LPP: variants seen among roughly 807,000 people sequenced by gnomAD.
The protein encoded by LPP is lipoma-preferred partner.
In LPP, 38 loss-of-function variants were observed where a neutral mutation model predicts 60.4. That is an observed-to-expected ratio of 0.63 (90% CI 0.49 to 0.83). The LOEUF is 0.83. Among genes scored for constraint, LPP ranks in the 40% least tolerant of loss-of-function variants. The pLI, the probability that LPP is intolerant of heterozygous loss-of-function variation, is 0.00. For missense variants in LPP, 902 were observed against 783.6 expected (o/e 1.15, Z -1.80); for synonymous variants, 328 against 290.8 (o/e 1.13, Z -1.30).
At chr3:188,433,842 C>G (rs1045060086) in intron 4 of LPP, among the ~76,000 whole-genome samples, 1 of 152,050 alleles carries the variant, frequency 6.6e-6, no homozygotes, top group Non-Finnish European at 1.5e-5. Flanking sequence ...GTTTTCCTTT[C>G]TCTTGGTGTT....
intron 6 of LPP, among the ~76,000 whole-genome samples, chr3:188,541,293 C>T (rs1396081928): frequency 6.6e-6 from 1 of 152,106 alleles, no homozygotes; most frequent in Non-Finnish European, 1.5e-5. Context: ...GAGTGAGGCT[C>T]AATAATTTGT....
chr3:188,307,468 C>T (rs1193521078), intron 2 of LPP, among the ~76,000 whole-genome samples: 1 of 152,174 alleles, frequency 6.6e-6, no homozygotes, highest in Non-Finnish European at 1.5e-5. Flanking sequence ...ATTTGTGCCT[C>T]CACATCTGGC....
At chr3:188,294,521 C>A (rs1303009835) in intron 2 of LPP, among the ~76,000 whole-genome samples, 1 of 152,188 alleles carries the variant, frequency 6.6e-6, no homozygotes, top group African/African-American at 2.4e-5. Flanking sequence ...AGTGGTAACA[C>A]AACTAGAGCC....
intron 6 of LPP, among the ~76,000 whole-genome samples, chr3:188,544,411 T>C (rs560351611): frequency 1.3e-4 from 20 of 152,332 alleles, no homozygotes; most frequent in Non-Finnish European, 2.6e-4. Flanking sequence ...GATGAACATA[T>C]TAACTTTTCT....
intron 2 of LPP, among the ~76,000 whole-genome samples, chr3:188,284,911 C>T (rs1360531885): frequency 6.6e-6 from 1 of 152,164 alleles, no homozygotes; most frequent in African/African-American, 2.4e-5. Flanking sequence ...CGAAGTATGA[C>T]TCGAATCATT....
Position 188,313,651 on chromosome 3 carries a change from AT to A in LPP, c.-66-28011del, listed in dbSNP as rs68106932. ...GACTCCGTCTCAAAAAAAAAAAAAAATAAAATAAAATAATGTAAAAAAGTTC... is the reference window on the plus strand; with the variant it reads ...GACTCCGTCTCAAAAAAAAAAAAAAAAAAATAAAATAATGTAAAAAAGTTC... On this transcript the variant is annotated intron_variant, in intron 2 of 11. Transcript: ENST00000617246. Among the ~76,000 whole-genome samples the A allele has an allele frequency of 6.4e-4, 87 of 136,414 alleles. No individual in the cohort carries two copies. In the East Asian group the frequency reaches 0.013, roughly 21 times the overall value. 89.5% of individuals were successfully genotyped at this position (136,414 alleles called of 152,430 possible).
chr3:188,566,420 T>C (rs1832179825), intron 6 of LPP, among the ~76,000 whole-genome samples: 1 of 151,944 alleles, frequency 6.6e-6, no homozygotes, highest in East Asian at 1.9e-4. Context: ...ATGTTAGCTT[T>C]ATTAGTTAGC....
At chr3:188,475,524 C>A (rs778922674) in intron 4 of LPP, among the ~76,000 whole-genome samples, 4 of 152,128 alleles carry the variant, frequency 2.6e-5, no homozygotes, top group Non-Finnish European at 5.9e-5. Flanking sequence ...CTGTAGACAA[C>A]CCCTGTTAAC....
intron 8 of LPP, chr3:188,711,218 G>A (rs1351728440): frequency 6.6e-6 from 1 of 152,190 alleles, no homozygotes; most frequent in East Asian, 1.9e-4. Context: ...AACCATTTGA[G>A]AATTTGGAAA....
intron 1 of LPP, among the ~76,000 whole-genome samples, chr3:188,221,911 A>G (rs1715919273): frequency 6.6e-6 from 1 of 152,230 alleles, no homozygotes; most frequent in South Asian, 2.1e-4. Context: ...TTGTAATTAT[A>G]AATTAATAAA....
intron 8 of LPP, among the ~76,000 whole-genome samples, chr3:188,721,007 G>C (rs76032395): frequency 1.3e-5 from 2 of 152,220 alleles, no homozygotes; most frequent in Non-Finnish European, 2.9e-5. Flanking sequence ...AAGTTACAGA[G>C]GCATTTAGAA....
intron 1 of LPP, among the ~76,000 whole-genome samples, chr3:188,156,538 C>T (rs1716499138): frequency 6.6e-6 from 1 of 151,952 alleles, no homozygotes; most frequent in African/African-American, 2.4e-5. Context: ...ATAATTTGGC[C>T]TAAGAATATT....
intron 9 of LPP, among the ~76,000 whole-genome samples, chr3:188,840,814 C>T (rs1168606423): frequency 6.6e-6 from 1 of 152,110 alleles, no homozygotes; most frequent in Non-Finnish European, 1.5e-5. Context: ...TTACATATGC[C>T]AGTACTAGCC....
chr3:188,383,357 G>A (rs929021519), intron 3 of LPP, among the ~76,000 whole-genome samples: 1 of 152,150 alleles, frequency 6.6e-6, no homozygotes, highest in Non-Finnish European at 1.5e-5. Flanking sequence ...CATGTTGAAT[G>A]TAGACACTAT....
intron 8 of LPP, among the ~76,000 whole-genome samples, chr3:188,728,249 A>G (rs1235240640): frequency 1.3e-5 from 2 of 152,230 alleles, no homozygotes; most frequent in African/African-American, 4.8e-5. Context: ...AAAAAAGTTG[A>G]CAATTACTGA....
At chr3:188,459,671 G>C (rs944959519) in intron 4 of LPP, among the ~76,000 whole-genome samples, 1 of 152,022 alleles carries the variant, frequency 6.6e-6, no homozygotes, top group Non-Finnish European at 1.5e-5. Context: ...AAAACGATAG[G>C]AAAGAAAATT....
rs77089951 is a variant in LPP, at chr3:188,887,070, A to G, written c.*12591A>G. The G allele has an allele frequency of 0.035, 8,035 of 230,288 alleles. 173 individuals carry two copies. The highest frequency in any genetic ancestry group is 0.051 in the Non-Finnish European group (5,928 of 116,202). 14.3% of individuals were successfully genotyped at this position (230,288 alleles called of 1,614,324 possible). ...TTGATGTATTGTGTTGCCACTTTGT[A>G]TGGTGCCTGCTGTGCTTTATCCCGA... On this transcript the variant is annotated 3_prime_UTR_variant, in exon 12 of 12. Transcript: ENST00000617246.
chr3:188,628,386 A>C lies in LPP; in HGVS notation c.1113+18542A>C, dbSNP rs1847244403. On this transcript the variant is annotated intron_variant, in intron 7 of 11. Coordinates refer to ENST00000617246, the MANE Select transcript of LPP (RefSeq NM_001375462.1). The stretch of plus-strand genomic sequence containing the variant: ...AATAAAGAACAAACAAAGAGAACCA[A>C]ATAAACACACTCTGAAATGACAAAG... Among the ~76,000 whole-genome samples, 3 of 152,042 alleles carry C rather than the reference A, an allele frequency of 2.0e-5. No homozygotes were observed. In the South Asian group the frequency reaches 6.2e-4, roughly 32 times the overall value.
At chr3:188,419,650 T>C (rs1434005529) in intron 4 of LPP, among the ~76,000 whole-genome samples, 2 of 152,206 alleles carry the variant, frequency 1.3e-5, no homozygotes, top group African/African-American at 4.8e-5. Context: ...CCCAGCACTT[T>C]GGGAGGCCAA....
Sources: allele counts gnomAD v4.1 joint callset (sites outside exome capture counted in the v4.1 genomes callset), GRCh38; gene constraint gnomAD v4.1.1; transcripts MANE v1.5; gene names NCBI Gene and HGNC (gene_info 2026-07-23, HGNC 2026-07-21).